Variants in CD47 observed in about 807,000 individuals in gnomAD.
CD47 encodes CD47 molecule, also known as leukocyte surface antigen CD47.
In CD47, 11 loss-of-function variants were observed where a neutral mutation model predicts 44.6. The ratio of observed to expected loss-of-function variants is 0.25; its 90% CI spans 0.16 to 0.41. The LOEUF is 0.41. Among genes scored for constraint, CD47 ranks in the 10% least tolerant of loss-of-function variants. The pLI is 1.00. For synonymous variants in CD47, 140 were observed against 136.3 expected (o/e 1.03, Z -0.19); for missense variants, 306 against 386.7 (o/e 0.79, Z 1.75).
At chr3:108,060,695 A>C in intron 4 of CD47, 50 bp downstream of exon 4, 1 of 1,203,674 alleles carries the variant, frequency 8.3e-7, no homozygotes, top group Non-Finnish European at 1.2e-6. Flanking sequence ...CTCACCTTGG[A>C]ATGCACTCAT....
intron 1 of CD47, among the ~76,000 whole-genome samples, chr3:108,089,777 T>A (rs1277455389): frequency 6.6e-6 from 1 of 152,166 alleles, no homozygotes; most frequent in Non-Finnish European, 1.5e-5. Flanking sequence ...AGGCTAATAA[T>A]CAGTTTAAAA....
chr3:108,080,486 T>C (rs1362704217), intron 1 of CD47, 142 bp from the exon 2 acceptor site: 1 of 553,260 alleles, frequency 1.8e-6, no homozygotes, highest in Non-Finnish European at 3.2e-6. Context: ...GAAGACCTAT[T>C]AGGTGAAATA....
intron 10 of CD47, among the ~76,000 whole-genome samples, chr3:108,048,060 T>G (rs1286040318): frequency 2.0e-5 from 3 of 149,704 alleles, no homozygotes; most frequent in African/African-American, 7.4e-5. Context: ...GACATAGAAA[T>G]TAAAAAAAAA....
rs9809284 is a variant in CD47 at position 108,077,205 on chromosome 3, G to A, written c.400+2786C>T. 7.3e-3 allele frequency among the ~76,000 whole-genome samples: 1,115 copies of A among 152,160 alleles called. 12 individuals are homozygous for A. Among genetic ancestry groups the A allele is most frequent in the African/African-American group, 0.025 (1,056 of 41,522 alleles). Reference sequence around the variant, plus strand: ...TTATGCCTGTATTTGCAAAAATCACGACATAGTAAAAATGGTTTCTAATGC... The same window carrying A: ...TTATGCCTGTATTTGCAAAAATCACAACATAGTAAAAATGGTTTCTAATGC... On this transcript the variant is annotated intron_variant, in intron 2 of 10. Transcript: ENST00000361309.
intron 3 of CD47, among the ~76,000 whole-genome samples, chr3:108,062,960 A>G (rs1263365024): frequency 2.6e-5 from 4 of 151,748 alleles, no homozygotes; most frequent in African/African-American, 9.7e-5. Context: ...GGTGACTTAC[A>G]TCCTTCTTAA....
chr3:108,055,493 G>C (rs773129210), intron 7 of CD47: 5 of 1,239,368 alleles, frequency 4.0e-6, no homozygotes, highest in Non-Finnish European at 5.4e-6. Context: ...AGTCTACCAT[G>C]TTATCTAAAG....
At chr3:108,067,112 T>C (rs2079116874) in intron 3 of CD47, among the ~76,000 whole-genome samples, 1 of 152,218 alleles carries the variant, frequency 6.6e-6, no homozygotes. Flanking sequence ...GATAACACAC[T>C]TTCATTCTCG....
chr3:108,066,629 C>T (rs1394564133), intron 3 of CD47, among the ~76,000 whole-genome samples: 1 of 152,078 alleles, frequency 6.6e-6, no homozygotes, highest in Non-Finnish European at 1.5e-5. Context: ...ACCCATGTGA[C>T]ATTTTATAAT....
In CD47 at chr3:108,080,351, A is replaced by T. The variant is rs1177399531; in HGVS notation, c.47-7T>A. On this transcript the variant is annotated splice_region_variant and splice_polypyrimidine_tract_variant and intron_variant, in intron 1 of 10. Coordinates refer to ENST00000361309, the MANE Select transcript of CD47 (RefSeq NM_001777.4). ...AATAGTAGCTGAGCTGATCCTGGAA[A>T]GGAAAAAGAAAAATGTTTCATTAAT... 1.4e-6 allele frequency: 2 copies of T among 1,442,288 alleles called. No homozygotes were observed. Among genetic ancestry groups the T allele is most frequent in the Non-Finnish European group, 1.9e-6 (2 of 1,040,170 alleles). The allele number at this position is 1,442,288 out of a possible 1,614,324, so 89.3% of individuals were successfully genotyped here. A position where few individuals can be genotyped will look rare whatever the true frequency, so the allele number is the denominator to read the frequency against.
chr3:108,087,257 G>C (rs1360053634), intron 1 of CD47, among the ~76,000 whole-genome samples: 1 of 152,134 alleles, frequency 6.6e-6, no homozygotes, highest in Non-Finnish European at 1.5e-5. Flanking sequence ...GATGAAGTCA[G>C]ATCTCTCCTC....
At chr3:108,052,197 A>T in intron 7 of CD47, 1 of 351,766 alleles carries the variant, frequency 2.8e-6, no homozygotes, top group South Asian at 3.3e-5. Context: ...CAAATAGTAA[A>T]CACATTCTCT....
chr3:108,090,855 C>T lies in CD47; in HGVS notation c.46+8G>A. The T allele has an allele frequency of 6.7e-7, 1 of 1,487,544 alleles. No homozygotes were observed. The highest frequency in any genetic ancestry group is 8.9e-7 in the Non-Finnish European group (1 of 1,124,268). The allele number at this position is 1,487,544 out of a possible 1,614,324, so 92.1% of individuals were successfully genotyped here. On this transcript the variant is annotated splice_region_variant and intron_variant, in intron 1 of 10. Transcript: ENST00000361309. ...CAGCCGCAGGGCTGGGAGCGAGGAG[C>T]CACTCACCGCAGCACGCCGAGCCCA...
At chr3:108,060,684 C>T in intron 4 of CD47, 61 bp downstream of exon 4, 1 of 1,101,176 alleles carries the variant, frequency 9.1e-7, no homozygotes. Flanking sequence ...ATGCAGCCCT[C>T]CTCACCTTGG....
chr3:108,088,912 T>C (rs1219739846), intron 1 of CD47, among the ~76,000 whole-genome samples: 2 of 152,162 alleles, frequency 1.3e-5, no homozygotes, highest in Non-Finnish European at 2.9e-5. Flanking sequence ...CCACTAACAC[T>C]GTAGAGGGTG....
At chr3:108,090,339 C>CCTAT (rs1314028979) in intron 1 of CD47, among the ~76,000 whole-genome samples, 1 of 152,142 alleles carries the variant, frequency 6.6e-6, no homozygotes, top group East Asian at 1.9e-4. Context: ...CCTCTTCGCT[C>CCTAT]CTATGTTCAT....
chr3:108,060,309 C>T (rs1386464503), intron 4 of CD47, among the ~76,000 whole-genome samples: 2 of 152,150 alleles, frequency 1.3e-5, no homozygotes, highest in Non-Finnish European at 2.9e-5. Context: ...AAAGGAGGAG[C>T]TTACCCTGGA....
In CD47 at chr3:108,047,186, T is replaced by G; in HGVS notation, c.*102A>C. 1.1e-6 allele frequency: 1 copy of G among 915,542 alleles called. No homozygotes were observed. The highest frequency in any genetic ancestry group is 1.7e-6 in the Non-Finnish European group (1 of 589,100). 56.7% of individuals were successfully genotyped at this position (915,542 alleles called of 1,614,324 possible). On this transcript the variant is annotated 3_prime_UTR_variant, in exon 11 of 11. Transcript: ENST00000361309. ...GACAACCAGTTACTTTTCTTGTTTCTTCTCCCCAACAGTGAATCATCAAGG... is the reference window on the plus strand; with the variant it reads ...GACAACCAGTTACTTTTCTTGTTTCGTCTCCCCAACAGTGAATCATCAAGG...
At chr3:108,060,988 C>G in intron 3 of CD47, 136 bp from the exon 4 acceptor site, 1 of 600,542 alleles carries the variant, frequency 1.7e-6, no homozygotes, top group Non-Finnish European at 3.0e-6. Context: ...TTAATATCAT[C>G]AAGTCACCTC....
Position 108,080,298 on chromosome 3 carries a change from C to G in CD47, c.93G>C (p.Thr31=). Reference sequence around the variant, plus strand: ...GAATGACGACAGTGTCATTACAAAACGTGAATTCTACAGATTTTGTTTTAT... The same window carrying G: ...GAATGACGACAGTGTCATTACAAAAGGTGAATTCTACAGATTTTGTTTTAT... ...LFNKTKSVEF[T]FCNDTVVIPC... Residue 31 remains threonine (T), a synonymous_variant, in exon 2 of 11, where the codon ACG becomes ACC. Coordinates refer to ENST00000361309, the MANE Select transcript of CD47 (RefSeq NM_001777.4). 1 of 1,610,966 alleles carries G rather than the reference C, an allele frequency of 6.2e-7. No homozygotes were observed. Among genetic ancestry groups the G allele is most frequent in the Non-Finnish European group, 8.5e-7 (1 of 1,177,828 alleles).
Sources: allele counts gnomAD v4.1 joint callset (sites outside exome capture counted in the v4.1 genomes callset), GRCh38; gene constraint gnomAD v4.1.1; transcripts MANE v1.5; gene names NCBI Gene and HGNC (gene_info 2026-07-23, HGNC 2026-07-21).